Variants in PCLO observed in about 807,000 individuals in gnomAD.
PCLO encodes the protein protein piccolo.
PCLO carries 82 observed loss-of-function variants against 427.5 expected under a neutral mutation model. That is an observed-to-expected ratio of 0.19 (90% confidence interval 0.16 to 0.23). PCLO has a LOEUF of 0.23. Ranked by LOEUF, PCLO falls within the 10% of genes least tolerant of loss-of-function variation. The probability of loss-of-function intolerance (pLI) is 1.00; values close to 1 mark genes in which losing one functional copy is unlikely to be tolerated. For synonymous variants in PCLO, 2,357 were observed against 2,155.4 expected (o/e 1.09, Z -2.59); for missense variants, 6,239 against 6,115.9 (o/e 1.02, Z -0.67).
intron 3 of PCLO, among the ~76,000 whole-genome samples, chr7:83,037,593 T>G (rs1788826891): frequency 6.6e-6 from 1 of 151,738 alleles, no homozygotes; most frequent in African/African-American, 2.4e-5. Flanking sequence ...ATTTTTCAGA[T>G]AATAACCTTA....
intron 3 of PCLO, among the ~76,000 whole-genome samples, chr7:82,976,418 T>A (rs897461288): frequency 6.6e-6 from 1 of 152,178 alleles, no homozygotes; most frequent in Non-Finnish European, 1.5e-5. Flanking sequence ...CAACTGTGTA[T>A]GAACAAATCT....
rs745633587 is a variant in PCLO, at chr7:82,845,411, A to C, written c.13906T>G (p.Ser4636Ala). The stretch of plus-strand genomic sequence containing the variant: ...ACAACTGATGACAGAACCAGCGGTG[A>C]CTGCTGTAGTGAAACCTTCTGGAGT... Reference protein sequence around the residue: ...AELQKVSLQQSPLVLSSVVEK... With the variant: ...AELQKVSLQQAPLVLSSVVEK... Residue 4636 changes from serine to alanine, a missense_variant, in exon 13 of 25, where the codon TCA becomes GCA. Physicochemically the swap from Ser to Ala is moderately conservative, Grantham distance 99. Coordinates refer to ENST00000333891, the MANE Select transcript of PCLO (RefSeq NM_033026.6). The C allele has an allele frequency of 6.2e-7, 1 of 1,613,264 alleles. No individual in the cohort carries two copies. Among genetic ancestry groups the C allele is most frequent in the Non-Finnish European group, 8.5e-7 (1 of 1,179,540 alleles).
At chr7:82,832,537 A>G (rs976149366) in intron 16 of PCLO, among the ~76,000 whole-genome samples, 1 of 151,502 alleles carries the variant, frequency 6.6e-6, no homozygotes, top group African/African-American at 2.4e-5. Context: ...TTATTTTTTT[A>G]TTTGTTTTTA....
chr7:83,052,416 T>C (rs1789277957), intron 3 of PCLO, among the ~76,000 whole-genome samples: 1 of 152,058 alleles, frequency 6.6e-6, no homozygotes, highest in Non-Finnish European at 1.5e-5. Flanking sequence ...CTATTTCTAC[T>C]TCCAAGCTGT....
intron 3 of PCLO, among the ~76,000 whole-genome samples, chr7:83,120,925 A>T (rs1006774055): frequency 3.9e-5 from 6 of 152,342 alleles, no homozygotes; most frequent in Admixed American, 3.9e-4. Context: ...CAATGATAAC[A>T]AAAATATATA....
intron 3 of PCLO, among the ~76,000 whole-genome samples, chr7:83,038,064 T>C (rs1238995423): frequency 2.2e-5 from 1 of 45,734 alleles, no homozygotes; most frequent in African/African-American, 9.8e-5. Flanking sequence ...TATATATATA[T>C]TTATATATTT....
chr7:82,854,754 G>C (rs1792758087), intron 10 of PCLO, among the ~76,000 whole-genome samples: 1 of 152,048 alleles, frequency 6.6e-6, no homozygotes, highest in Admixed American at 6.6e-5. Flanking sequence ...AGTTAGAGAA[G>C]GTAAATTCTG....
At position 82,950,150 on chromosome 7, in the gene PCLO, C is replaced by A. The variant is rs1461863099; in HGVS notation, c.10438G>T (p.Asp3480Tyr). The change falls in exon 6 of 25, where the codon GAT (aspartate) becomes TAT (tyrosine). Residue 3480 changes from aspartate (D) to tyrosine (Y), a missense_variant. Physicochemically the swap from Asp to Tyr is radical, Grantham distance 160. Around this residue, in one of 5 missense-constraint regions of PCLO, gnomAD observed 4,677 missense variants for 4,468.4 expected, o/e 1.05. Transcript: ENST00000333891. The part of the protein sequence containing the change: ...TSVQTDDEDQ[D>Y]EWDMPTRSRR... ...GATCTAGTAGGCATATCCCACTCAT[C>A]CTGATCTTCATCATCAGTTTGGACG... 3.7e-6 allele frequency: 6 copies of A among 1,610,500 alleles called. No homozygotes were observed. Among genetic ancestry groups the A allele is most frequent in the Non-Finnish European group, 4.2e-6 (5 of 1,179,362 alleles).
intron 7 of PCLO, among the ~76,000 whole-genome samples, chr7:82,911,277 G>A (rs1463270960): frequency 6.6e-6 from 1 of 152,028 alleles, no homozygotes; most frequent in Non-Finnish European, 1.5e-5. Context: ...AAATGAATCT[G>A]CTTTTGTATT....
chr7:82,836,751 A>T (rs1439712806), intron 15 of PCLO, among the ~76,000 whole-genome samples: 1 of 152,166 alleles, frequency 6.6e-6, no homozygotes, highest in African/African-American at 2.4e-5. Flanking sequence ...CTCAGGGTTG[A>T]CAAGAATACT....
chr7:83,079,701 A>G (rs1790045968), intron 3 of PCLO, among the ~76,000 whole-genome samples: 1 of 152,078 alleles, frequency 6.6e-6, no homozygotes. Flanking sequence ...CATAATGAAG[A>G]GAGGATTTTT....
At chr7:83,104,247 C>T (rs1236622045) in intron 3 of PCLO, among the ~76,000 whole-genome samples, 3 of 151,946 alleles carry the variant, frequency 2.0e-5, no homozygotes, top group African/African-American at 7.2e-5. Flanking sequence ...TACATTTGGT[C>T]ACACAAGTAA....
chr7:83,021,047 G>A (rs1320971796), intron 3 of PCLO, among the ~76,000 whole-genome samples: 1 of 152,138 alleles, frequency 6.6e-6, no homozygotes, highest in East Asian at 1.9e-4. Context: ...GATATCAGCT[G>A]TTCTGAAGAA....
intron 3 of PCLO, among the ~76,000 whole-genome samples, chr7:83,059,801 T>C (rs533933846): frequency 6.6e-6 from 1 of 152,028 alleles, no homozygotes; most frequent in Non-Finnish European, 1.5e-5. Context: ...AGATGGAAAG[T>C]AGAAAAGAGC....
At chr7:83,153,010 T>C (rs1792176178) in intron 2 of PCLO, among the ~76,000 whole-genome samples, 1 of 152,186 alleles carries the variant, frequency 6.6e-6, no homozygotes, top group Non-Finnish European at 1.5e-5. Flanking sequence ...TCCAGCTGCA[T>C]ATTTCTGCCT....
At chr7:82,808,435 A>C (rs1458099185) in intron 20 of PCLO, among the ~76,000 whole-genome samples, 2 of 151,850 alleles carry the variant, frequency 1.3e-5, no homozygotes, top group Admixed American at 6.6e-5. Flanking sequence ...AAAAGTTGAG[A>C]AATGTGTACA....
intron 3 of PCLO, among the ~76,000 whole-genome samples, chr7:82,996,854 T>C (rs753898072): frequency 2.6e-5 from 4 of 151,978 alleles, no homozygotes; most frequent in Non-Finnish European, 5.9e-5. Context: ...TATCTAAGCA[T>C]CTAGCTGAAA....
intron 10 of PCLO, among the ~76,000 whole-genome samples, chr7:82,863,531 A>G (rs1193989143): frequency 6.6e-6 from 1 of 151,978 alleles, no homozygotes; most frequent in Non-Finnish European, 1.5e-5. Flanking sequence ...AAAAGTTATC[A>G]ATCTCTTTAA....
chr7:82,919,651 G>C (rs902434671), intron 6 of PCLO, among the ~76,000 whole-genome samples: 1 of 151,786 alleles, frequency 6.6e-6, no homozygotes, highest in African/African-American at 2.4e-5. Flanking sequence ...GGCTAGTTGA[G>C]AGAAAGCAAC....
Sources: allele counts gnomAD v4.1 joint callset (sites outside exome capture counted in the v4.1 genomes callset), GRCh38; gene constraint gnomAD v4.1.1; regional missense constraint gnomAD v4.1.1; transcripts MANE v1.5; gene names NCBI Gene and HGNC (gene_info 2026-07-23, HGNC 2026-07-21).